The following MAP3K15 variants were observed in gnomAD, a reference collection of about 807,000 sequenced individuals.
MAP3K15 encodes the protein mitogen-activated protein kinase kinase kinase 15.
In MAP3K15, 124 loss-of-function variants were observed where a neutral mutation model predicts 99.5. The observed-to-expected ratio is 1.25, with a 90% CI of 1.08 to 1.45. The LOEUF is 1.45. Among genes scored for constraint, MAP3K15 ranks in the 40% most tolerant of loss-of-function variants. The pLI is 0.00. For missense variants in MAP3K15, 1,242 were observed against 1,079.7 expected (o/e 1.15, Z -2.11); for synonymous variants, 494 against 439.6 (o/e 1.12, Z -1.55).
chrX:19,474,814 T>C (rs972074887), intron 3 of MAP3K15, among the ~76,000 whole-genome samples: 1 of 111,434 alleles, frequency 9.0e-6, no homozygotes, highest in Non-Finnish European at 1.9e-5. Context: ...ATCTCATTAT[T>C]TAAGACATTA....
At chrX:19,398,096 T>A in intron 15 of MAP3K15, 130 bp downstream of exon 15, 1 of 728,670 alleles carries the variant, frequency 1.4e-6, no homozygotes, top group Non-Finnish European at 2.0e-6. Flanking sequence ...TCACCCCTAT[T>A]ACAAGAGAAT....
rs764874953 is a variant in MAP3K15 at position 19,398,357 on chromosome X, A to T, written c.1935T>A (p.Tyr645Ter). The T allele has an allele frequency of 2.8e-5, 34 of 1,208,612 alleles. No homozygotes were observed. Among genetic ancestry groups the T allele is most frequent in the Non-Finnish European group, 3.6e-5 (32 of 894,643 alleles). Residue 645 changes from tyrosine (Y) to a stop codon, truncating the protein, a stop_gained and splice_region_variant, in exon 15 of 29, where the codon TAT (tyrosine) becomes TAA (stop). Transcript: ENST00000338883. LOFTEE classifies it high-confidence loss of function. Reference sequence around the variant, plus strand: ...CACCATTTGCATCATGGTCATACTCATACTGAAGAAGGAAAAACAAAAGGA... The same window carrying T: ...CACCATTTGCATCATGGTCATACTCTTACTGAAGAAGGAAAAACAAAAGGA... ...EGETDGDTLE[Y>*]EYDHDANGER... is the part of the protein sequence containing the mutation.
chrX:19,374,573 G>A lies in MAP3K15; in HGVS notation c.2677C>T (p.Pro893Ser), dbSNP rs1195791449. The change falls in exon 20 of 29, where the codon CCC becomes TCC. Residue 893 changes from proline to serine, a missense_variant. Pro to Ser is a moderately conservative substitution (Grantham distance 74). Transcript: ENST00000338883. ...AFILSCFEPD[P>S]HKRATTAELL... ...TCAGCAGTGGTGGCACGTTTGTGGG[G>A]GTCAGGCTCGAAACAGGATAAAATG... 5 of 1,209,321 alleles carry A rather than the reference G, an allele frequency of 4.1e-6. No homozygotes were observed. The African/African-American group carries it at 5.3e-5, about 13-fold the overall frequency.
At chrX:19,506,376 C>A (rs1165871081) in intron 1 of MAP3K15, among the ~76,000 whole-genome samples, 1 of 111,409 alleles carries the variant, frequency 9.0e-6, no homozygotes, top group Middle Eastern at 4.3e-3. Context: ...GGCAACAGCA[C>A]AAATCTTTAG....
chrX:19,401,994 A>C (rs1432885505), intron 13 of MAP3K15, among the ~76,000 whole-genome samples: 1 of 112,192 alleles, frequency 8.9e-6, no homozygotes, highest in Admixed American at 9.5e-5. Context: ...CTAAGATTTA[A>C]AAGACGGTAT....
chrX:19,366,957 T>G (rs2063338808), intron 25 of MAP3K15, among the ~76,000 whole-genome samples: 1 of 111,770 alleles, frequency 8.9e-6, no homozygotes, highest in Non-Finnish European at 1.9e-5. Flanking sequence ...ATTATAAATC[T>G]TATTGGGTGA....
At chrX:19,429,807 A>AGAGAGAGAGG (rs2063866245) in intron 7 of MAP3K15, among the ~76,000 whole-genome samples, 1 of 92,232 alleles carries the variant, frequency 1.1e-5, no homozygotes, top group African/African-American at 5.2e-5. Context: ...AGAGAGAGAG[A>AGAGAGAGAGG]GAGAGAGAGA....
chrX:19,437,666 T>C (rs1162677936), intron 6 of MAP3K15, among the ~76,000 whole-genome samples: 1 of 112,040 alleles, frequency 8.9e-6, no homozygotes, highest in Non-Finnish European at 1.9e-5. Flanking sequence ...TTTTAATACA[T>C]TTAGGTTTTT....
chrX:19,495,264 G>A (rs1015843790), intron 1 of MAP3K15, among the ~76,000 whole-genome samples: 5 of 111,960 alleles, frequency 4.5e-5, no homozygotes, highest in African/African-American at 9.7e-5. Context: ...TGCCCACCTC[G>A]GCCTCCCAAA....
At chrX:19,379,091 C>T (rs941775986) in intron 19 of MAP3K15, among the ~76,000 whole-genome samples, 3 of 110,770 alleles carry the variant, frequency 2.7e-5, no homozygotes, top group South Asian at 7.7e-4. Flanking sequence ...GACCCTCCCC[C>T]ACCCTGCCCA....
chrX:19,477,455 G>A (rs750728242), intron 3 of MAP3K15, among the ~76,000 whole-genome samples: 19 of 111,356 alleles, frequency 1.7e-4, no homozygotes, highest in Admixed American at 1.6e-3. Flanking sequence ...TGTAACCCCG[G>A]CACTTTGGGA....
chrX:19,365,337 G>A (rs1022779705), intron 25 of MAP3K15, among the ~76,000 whole-genome samples: 3 of 112,278 alleles, frequency 2.7e-5, no homozygotes, highest in Non-Finnish European at 5.6e-5. Flanking sequence ...GAAGGATCTA[G>A]ACAGACAGGC....
At chrX:19,432,250 T>C (rs2063888752) in intron 6 of MAP3K15, among the ~76,000 whole-genome samples, 1 of 111,106 alleles carries the variant, frequency 9.0e-6, no homozygotes, top group East Asian at 2.8e-4. Context: ...GTCTGGACTG[T>C]GATTCAAACA....
intron 8 of MAP3K15, 99 bp downstream of exon 8, chrX:19,426,132 T>A (rs1469100173): frequency 2.2e-6 from 1 of 450,690 alleles, no homozygotes; most frequent in African/African-American, 2.5e-5. Flanking sequence ...AAAAAAAGAA[T>A]AGAAATATAA....
chrX:19,383,507 G>A (rs2063474032), intron 18 of MAP3K15, among the ~76,000 whole-genome samples: 1 of 111,873 alleles, frequency 8.9e-6, no homozygotes, highest in Non-Finnish European at 1.9e-5. Context: ...TGGAGATTTT[G>A]CACAGCAAAG....
chrX:19,416,412 T>C (rs1239449380), intron 9 of MAP3K15, among the ~76,000 whole-genome samples: 1 of 111,305 alleles, frequency 9.0e-6, no homozygotes, highest in African/African-American at 3.3e-5. Flanking sequence ...CTCCAGTAAA[T>C]TGCAGATCAT....
Position 19,431,593 on chromosome X carries a change from A to G in MAP3K15, c.1011T>C (p.Gly337=). The G allele has an allele frequency of 8.4e-7, 1 of 1,197,594 alleles. No individual in the cohort carries two copies. The highest frequency in any genetic ancestry group is 1.1e-6 in the Non-Finnish European group (1 of 893,827). ...TGATCTGCAGAGCCTTCTCACGGTC[A>G]CCTGTGCTGTTTCTCCTGAAAGATA... ...AFALNRRNST[G]DREKALQIML... is the part of the protein sequence containing the mutation. Residue 337 remains glycine (G), a synonymous_variant, in exon 7 of 29, where the codon GGT becomes GGC. Coordinates refer to ENST00000338883, the MANE Select transcript of MAP3K15 (RefSeq NM_001001671.4).
Position 19,460,202 on chromosome X carries a change from A to G in MAP3K15, c.720-49T>C, listed in dbSNP as rs756318092. ...CCTCCAGTCACATCTGCACGCACCC[A>G]GGACTGTCTTGCGCCCAAAATGGTT... On this transcript the variant is annotated intron_variant, in intron 4 of 28. Coordinates refer to ENST00000338883, the MANE Select transcript of MAP3K15 (RefSeq NM_001001671.4). 18 of 954,817 alleles carry G rather than the reference A, an allele frequency of 1.9e-5. No homozygotes were observed. In the East Asian group the frequency reaches 4.0e-4, roughly 21 times the overall value. The allele number at this position is 954,817 out of a possible 1,213,427, so 78.7% of individuals were successfully genotyped here.
chrX:19,489,113 T>C, intron 1 of MAP3K15, 146 bp from the exon 2 acceptor site: 1 of 545,159 alleles, frequency 1.8e-6, no homozygotes, highest in Non-Finnish European at 2.8e-6. Flanking sequence ...TGATTAAAAT[T>C]ACCCTATGAA....
Sources: allele counts gnomAD v4.1 joint callset (sites outside exome capture counted in the v4.1 genomes callset), GRCh38; gene constraint gnomAD v4.1.1; transcripts MANE v1.5; gene names NCBI Gene and HGNC (gene_info 2026-07-23, HGNC 2026-07-21).